PMEPA1: variants seen among roughly 807,000 people sequenced by gnomAD.
The protein encoded by PMEPA1 is protein TMEPAI.
In PMEPA1, 11 loss-of-function variants were observed where a neutral mutation model predicts 23.0. The ratio of observed to expected loss-of-function variants is 0.48; its 90% confidence interval spans 0.30 to 0.79. The LOEUF (loss-of-function observed/expected upper bound fraction) is 0.79, where lower values mean the gene tolerates loss of function less well. Among genes scored for constraint, PMEPA1 ranks in the 30% least tolerant of loss-of-function variants. PMEPA1 has a pLI of 0.06. For synonymous variants in PMEPA1, 204 were observed against 166.4 expected, an observed-to-expected ratio of 1.23 and a Z score of -1.74; for missense variants, 377 against 390.9, an observed-to-expected ratio of 0.96 and a Z score of 0.30.
intron 1 of PMEPA1, among the ~76,000 whole-genome samples, chr20:57,663,309 G>A (rs2071448347): frequency 6.6e-6 from 1 of 152,170 alleles, no homozygotes; most frequent in South Asian, 2.1e-4. Flanking sequence ...CCCTGGAGAG[G>A]AGCAGGGTGG....
intron 1 of PMEPA1, among the ~76,000 whole-genome samples, chr20:57,693,511 G>A (rs1258159892): frequency 1.6e-4 from 25 of 152,214 alleles, no homozygotes; most frequent in Non-Finnish European, 2.8e-4. Context: ...GCCAGCAGAC[G>A]GTGGCGGCCA....
intron 1 of PMEPA1, among the ~76,000 whole-genome samples, chr20:57,701,590 G>A (rs2072011704): frequency 6.6e-6 from 1 of 152,174 alleles, no homozygotes; most frequent in African/African-American, 2.4e-5. Flanking sequence ...CTCGGGCACA[G>A]TTTCCTGCCC....
intron 1 of PMEPA1, among the ~76,000 whole-genome samples, chr20:57,707,221 T>A (rs2072102046): frequency 6.6e-6 from 1 of 152,086 alleles, no homozygotes; most frequent in Admixed American, 6.5e-5. Context: ...AATACTAGCT[T>A]TTTTCCTTTC....
chr20:57,695,420 C>T (rs1342384815), intron 1 of PMEPA1, among the ~76,000 whole-genome samples: 1 of 152,244 alleles, frequency 6.6e-6, no homozygotes. Flanking sequence ...AAATGTTTTC[C>T]CCGCTGAAGC....
intron 1 of PMEPA1, among the ~76,000 whole-genome samples, chr20:57,661,088 A>G (rs1209318037): frequency 2.6e-5 from 4 of 152,232 alleles, no homozygotes; most frequent in South Asian, 2.1e-4. Flanking sequence ...CCCACATTCC[A>G]GATGGCTGCG....
At chr20:57,710,061 G>A (rs1355047127), upstream of PMEPA1, 15 of 994,398 alleles carry the variant, frequency 1.5e-5, no homozygotes, top group African/African-American at 3.5e-5. Flanking sequence ...CGGGGGCCGG[G>A]GAGGGGGCGC....
intron 1 of PMEPA1, among the ~76,000 whole-genome samples, chr20:57,708,363 T>C (rs2072116489): frequency 6.6e-6 from 1 of 152,062 alleles, no homozygotes; most frequent in Non-Finnish European, 1.5e-5. Context: ...GGGGACAAGG[T>C]GTAGGCTAGA....
intron 1 of PMEPA1, chr20:57,700,034 A>G (rs1227831876): frequency 2.1e-6 from 1 of 471,102 alleles, no homozygotes; most frequent in African/African-American, 2.0e-5. Flanking sequence ...ATTCTTAACC[A>G]CTGACACTCA....
At position 57,661,672 on chromosome 20, in the gene PMEPA1, C is replaced by G. The variant is rs376895593; in HGVS notation, c.110-1975G>C. 8.4e-4 allele frequency among the ~76,000 whole-genome samples: 128 copies of G among 152,298 alleles called. 3 individuals are homozygous for G. The highest frequency in any genetic ancestry group is 3.3e-3 in the South Asian group (16 of 4,822). ...AAAAACAGGCCGTGCAGAGCCGATG[C>G]CAGGCGCTCGGGCCATCAGACAGCC... On this transcript the variant is annotated intron_variant, in intron 1 of 3. Transcript: ENST00000341744.
chr20:57,700,702 T>C (rs1466655248), intron 1 of PMEPA1, among the ~76,000 whole-genome samples: 1 of 152,148 alleles, frequency 6.6e-6, no homozygotes, highest in African/African-American at 2.4e-5. Flanking sequence ...CCAAGCCCAC[T>C]GAAACAATAA....
At position 57,656,357 on chromosome 20, in the gene PMEPA1, G is replaced by A. The variant is rs1600773541; in HGVS notation, c.264+3186C>T. ...GCCCCTGGGAAATGGGCCCTTGGTG[G>A]GCTGGGTTCTCTCGGGAGCAGGAGA... On this transcript the variant is annotated intron_variant, in intron 2 of 3. Transcript: ENST00000341744. This position sits in a 1 kb window ranked among gnomAD's most constrained non-coding sequence, Gnocchi z 4.7. Among the ~76,000 whole-genome samples the A allele has an allele frequency of 6.6e-6, 1 of 151,750 alleles. No homozygotes were observed. The highest frequency in any genetic ancestry group is 2.4e-5 in the African/African-American group (1 of 41,480).
chr20:57,692,968 C>T (rs968150972), intron 1 of PMEPA1, among the ~76,000 whole-genome samples: 20 of 152,188 alleles, frequency 1.3e-4, no homozygotes, highest in African/African-American at 4.8e-4. Context: ...GTGGTCAAAC[C>T]GAAACCTAAT....
At chr20:57,708,105 C>A (rs2072112747) in intron 1 of PMEPA1, among the ~76,000 whole-genome samples, 1 of 152,196 alleles carries the variant, frequency 6.6e-6, no homozygotes, top group African/African-American at 2.4e-5. Flanking sequence ...GTTATTTTTA[C>A]CACTTGAAGC....
chr20:57,663,463 G>T lies in PMEPA1; in HGVS notation c.110-3766C>A, dbSNP rs564093510. On this transcript the variant is annotated intron_variant, in intron 1 of 3. Transcript: ENST00000341744. ...GACAGTGGGCAGCAGGATGTGCGGGGGACATGTGCTCAGCATGTAGTGCTC... is the reference window on the plus strand; with the variant it reads ...GACAGTGGGCAGCAGGATGTGCGGGTGACATGTGCTCAGCATGTAGTGCTC... Among the ~76,000 whole-genome samples the T allele has an allele frequency of 2.0e-5, 3 of 152,264 alleles. No homozygotes were observed. The South Asian group carries it at 6.2e-4, about 32-fold the overall frequency.
At chr20:57,701,124 T>C (rs2146711088) in intron 1 of PMEPA1, among the ~76,000 whole-genome samples, 1 of 151,786 alleles carries the variant, frequency 6.6e-6, no homozygotes, top group South Asian at 2.1e-4. Flanking sequence ...TCCTTATTAG[T>C]TTATGGCAGG....
chr20:57,678,718 G>T (rs565432622), intron 1 of PMEPA1, among the ~76,000 whole-genome samples: 1 of 152,334 alleles, frequency 6.6e-6, no homozygotes, highest in South Asian at 2.1e-4. Flanking sequence ...GAGGAAAGGA[G>T]ATTTTAAGTA....
rs899060367 is a variant in PMEPA1 at position 57,709,686 on chromosome 20, GC to G, written c.-105del. On this transcript the variant is annotated 5_prime_UTR_variant, in exon 1 of 4. Coordinates refer to ENST00000341744, the MANE Select transcript of PMEPA1 (RefSeq NM_020182.5). ...GGGCCCCGCATGCAGGAGGCGCGCGGCGGGGGAGGCGCGCCCCGGCTCGCCG... is the reference window on the plus strand; with the variant it reads ...GGGCCCCGCATGCAGGAGGCGCGCGGGGGGGAGGCGCGCCCCGGCTCGCCG... 5.1e-6 allele frequency: 5 copies of G among 977,514 alleles called. No homozygotes were observed. In the African/African-American group the frequency reaches 8.9e-5, roughly 17 times the overall value. 60.6% of individuals were successfully genotyped at this position (977,514 alleles called of 1,614,324 possible). A position where few individuals can be genotyped will look rare whatever the true frequency, so the allele number is the denominator to read the frequency against.
chr20:57,659,245 C>A (rs1001190395), intron 2 of PMEPA1, among the ~76,000 whole-genome samples: 1 of 152,182 alleles, frequency 6.6e-6, no homozygotes, highest in African/African-American at 2.4e-5. Flanking sequence ...AGGCCCTGCA[C>A]AGAGCCTGCG....
chr20:57,694,120 T>C (rs1412268638), intron 1 of PMEPA1, among the ~76,000 whole-genome samples: 2 of 152,194 alleles, frequency 1.3e-5, no homozygotes, highest in Non-Finnish European at 2.9e-5. Flanking sequence ...AGAATCGAGT[T>C]GCCCCTGACC....
Sources: gnomAD v4.1 joint callset for allele counts (sites outside exome capture counted in the v4.1 genomes callset) on GRCh38, gnomAD v4.1.1 for gene constraint, Gnocchi (gnomAD v3.1) non-coding constraint, MANE v1.5 for transcripts, NCBI Gene and HGNC (gene_info 2026-07-23, HGNC 2026-07-21) for gene names.